The following ZNF385D variants were observed in gnomAD, a reference collection of about 807,000 sequenced individuals.
The protein encoded by ZNF385D is zinc finger protein 659.
Under a neutral mutation model 35.8 loss-of-function variants are expected in ZNF385D, and 15 were observed. The ratio of observed to expected loss-of-function variants is 0.42; its 90% CI spans 0.28 to 0.64. ZNF385D has a LOEUF of 0.64. Ranked by LOEUF, ZNF385D falls within the 30% of genes least tolerant of loss-of-function variation. The pLI, the probability that ZNF385D is intolerant of heterozygous loss-of-function variation, is 0.23. For missense variants in ZNF385D, 474 were observed against 494.6 expected, an observed-to-expected ratio of 0.96 and a Z score of 0.39; for synonymous variants, 212 against 186.8, an observed-to-expected ratio of 1.13 and a Z score of -1.10.
chr3:21,653,938 C>T (rs1245083902), intron 2 of ZNF385D, among the ~76,000 whole-genome samples: 1 of 151,864 alleles, frequency 6.6e-6, no homozygotes, highest in Non-Finnish European at 1.5e-5. Flanking sequence ...TGGTAAAAGT[C>T]ACAGAAGCAT....
intron 2 of ZNF385D, among the ~76,000 whole-genome samples, chr3:22,317,475 A>T (rs1316588422): frequency 6.6e-6 from 1 of 152,046 alleles, no homozygotes; most frequent in South Asian, 2.1e-4. Context: ...CAGCTCCAAG[A>T]TATTACCTGT....
At chr3:21,929,725 C>T (rs915394028) in intron 3 of ZNF385D, among the ~76,000 whole-genome samples, 1 of 151,766 alleles carries the variant, frequency 6.6e-6, no homozygotes, top group Non-Finnish European at 1.5e-5. Flanking sequence ...AGGAGTAGAA[C>T]ACTGAGGAAT....
At chr3:21,885,934 T>G (rs1415620204) in intron 3 of ZNF385D, among the ~76,000 whole-genome samples, 1 of 152,094 alleles carries the variant, frequency 6.6e-6, no homozygotes, top group Non-Finnish European at 1.5e-5. Context: ...TTCAGTTAAT[T>G]GGATAAGGTC....
At chr3:22,349,947 AAATAAT>A (rs1427482519) in intron 2 of ZNF385D, among the ~76,000 whole-genome samples, 1 of 152,190 alleles carries the variant, frequency 6.6e-6, no homozygotes, top group Non-Finnish European at 1.5e-5. Context: ...TACAAGTGTG[AAATAAT>A]AATAATGCAA....
intron 2 of ZNF385D, among the ~76,000 whole-genome samples, chr3:22,345,537 ACATCCCCTGCTAT>A (rs1488833997): frequency 6.6e-6 from 1 of 152,244 alleles, no homozygotes; most frequent in Non-Finnish European, 1.5e-5. Flanking sequence ...CAAGACAGGC[ACATCCCCTGCTAT>A]CATGGAGTTT....
intron 3 of ZNF385D, among the ~76,000 whole-genome samples, chr3:21,552,275 T>TA (rs2062593315): frequency 6.6e-6 from 1 of 152,218 alleles, no homozygotes; most frequent in Non-Finnish European, 1.5e-5. Flanking sequence ...ATAATTTTCT[T>TA]ACATATGGAT....
chr3:21,895,474 C>T (rs140035268), intron 3 of ZNF385D, among the ~76,000 whole-genome samples: 82 of 150,352 alleles, frequency 5.5e-4, no homozygotes, highest in African/African-American at 1.9e-3. Flanking sequence ...ACTACAGGCT[C>T]ATAGCACCAT....
chr3:22,269,834 C>A (rs1350966986), intron 2 of ZNF385D, among the ~76,000 whole-genome samples: 1 of 151,788 alleles, frequency 6.6e-6, no homozygotes, highest in African/African-American at 2.4e-5. Flanking sequence ...TAACTCCAAG[C>A]CCTAATGAAC....
chr3:21,527,229 T>A (rs956309712), intron 3 of ZNF385D, among the ~76,000 whole-genome samples: 1 of 152,162 alleles, frequency 6.6e-6, no homozygotes, highest in African/African-American at 2.4e-5. Flanking sequence ...ACAAAAAAAA[T>A]GAATCACACT....
Position 21,564,694 on chromosome 3 carries a change from GA to G in ZNF385D, c.166-11del. 2 of 1,488,676 alleles carry G rather than the reference GA, an allele frequency of 1.3e-6. No homozygotes were observed. Among genetic ancestry groups the G allele is most frequent in the Non-Finnish European group, 1.8e-6 (2 of 1,104,536 alleles). 92.2% of individuals were successfully genotyped at this position (1,488,676 alleles called of 1,614,324 possible). Reference sequence around the variant, plus strand: ...TCTGAATCGGGTCCATCTGTAATGAGAAAAAAGAAATACAACAAATAGAAAT... The same window carrying G: ...TCTGAATCGGGTCCATCTGTAATGAGAAAAAGAAATACAACAAATAGAAAT... On this transcript the variant is annotated splice_polypyrimidine_tract_variant and intron_variant, in intron 2 of 7. Transcript: ENST00000281523.
intron 4 of ZNF385D, among the ~76,000 whole-genome samples, chr3:21,464,285 A>G (rs1300157105): frequency 6.6e-6 from 1 of 152,238 alleles, no homozygotes; most frequent in Admixed American, 6.5e-5. Flanking sequence ...ATGTAATGTT[A>G]TATTCTCAAA....
chr3:21,866,257 A>T (rs1697354102), intron 3 of ZNF385D, among the ~76,000 whole-genome samples: 1 of 152,124 alleles, frequency 6.6e-6, no homozygotes, highest in Non-Finnish European at 1.5e-5. Context: ...GTTCGAGACC[A>T]TTCTGGCTAA....
intron 3 of ZNF385D, among the ~76,000 whole-genome samples, chr3:21,981,390 G>A (rs886510963): frequency 2.6e-5 from 4 of 151,980 alleles, no homozygotes; most frequent in Non-Finnish European, 5.9e-5. Context: ...GTCTGTTCAT[G>A]ACTGAACACT....
In ZNF385D at chr3:21,751,192, C is replaced by T; in HGVS notation, c.-276G>A. Reference sequence around the variant, plus strand: ...ACTCCTCCTTGCGATGTCCTTGCCGCGCCTGTGACATCAGGACTGAGAGTA... The same window carrying T: ...ACTCCTCCTTGCGATGTCCTTGCCGTGCCTGTGACATCAGGACTGAGAGTA... On this transcript the variant is annotated 5_prime_UTR_variant, in exon 1 of 8. Coordinates refer to ENST00000281523, the MANE Select transcript of ZNF385D (RefSeq NM_024697.3). 7.3e-7 allele frequency: 1 copy of T among 1,369,114 alleles called. No homozygotes were observed. Among genetic ancestry groups the T allele is most frequent in the East Asian group, 3.0e-5 (1 of 33,826 alleles). The allele number at this position is 1,369,114 out of a possible 1,614,324, so 84.8% of individuals were successfully genotyped here. A position where few individuals can be genotyped will look rare whatever the true frequency, so the allele number is the denominator to read the frequency against.
chr3:21,847,629 G>A (rs968465723), intron 3 of ZNF385D, among the ~76,000 whole-genome samples: 1 of 151,948 alleles, frequency 6.6e-6, no homozygotes, highest in African/African-American at 2.4e-5. Context: ...GTGTGTCTGT[G>A]TGCCAATGTT....
At chr3:22,263,743 A>G (rs571481177) in intron 2 of ZNF385D, among the ~76,000 whole-genome samples, 3 of 152,106 alleles carry the variant, frequency 2.0e-5, no homozygotes, top group Admixed American at 6.6e-5. Flanking sequence ...GGCAGTTTTT[A>G]TGCCACAAGA....
chr3:21,505,170 G>GT lies in ZNF385D; in HGVS notation c.439+5690_439+5691insA, dbSNP rs1387692433. ...AACGATGATGGTCAGGATGAGGACTGGTTTTTTTCATTTGTTTGTTTGTTT... is the reference window on the plus strand; with the variant it reads ...AACGATGATGGTCAGGATGAGGACTGTGTTTTTTTCATTTGTTTGTTTGTTT... On this transcript the variant is annotated intron_variant, in intron 4 of 7. Transcript: ENST00000281523. Among the ~76,000 whole-genome samples, 58 of 151,920 alleles carry GT rather than the reference G, an allele frequency of 3.8e-4. 1 individual carries two copies. In the South Asian group the frequency reaches 6.2e-3, roughly 16 times the overall value.
chr3:21,654,757 T>C (rs2066022993), intron 2 of ZNF385D, among the ~76,000 whole-genome samples: 1 of 151,800 alleles, frequency 6.6e-6, no homozygotes, highest in Non-Finnish European at 1.5e-5. Flanking sequence ...AATTACTCTG[T>C]TAAGTTGCTA....
chr3:22,146,084 T>A (rs1175229229), intron 3 of ZNF385D, among the ~76,000 whole-genome samples: 1 of 152,004 alleles, frequency 6.6e-6, no homozygotes, highest in Non-Finnish European at 1.5e-5. Flanking sequence ...AGCTGTGAAC[T>A]GCATCAAACA....
Sources: gnomAD v4.1 joint callset for allele counts (sites outside exome capture counted in the v4.1 genomes callset) on GRCh38, gnomAD v4.1.1 for gene constraint, MANE v1.5 for transcripts, NCBI Gene and HGNC (gene_info 2026-07-23, HGNC 2026-07-21) for gene names.